ESR1: variants seen among roughly 807,000 people sequenced by gnomAD.
ESR1 encodes the protein estrogen receptor 1.
In ESR1, 12 loss-of-function variants were observed where a neutral mutation model predicts 52.7. The ratio of observed to expected loss-of-function variants is 0.23; its 90% CI spans 0.15 to 0.37. The LOEUF (loss-of-function observed/expected upper bound fraction) is 0.37. Among genes scored for constraint, ESR1 ranks in the 10% least tolerant of loss-of-function variants. The pLI is 1.00. For synonymous variants in ESR1, 305 were observed against 316.8 expected, an observed-to-expected ratio of 0.96 and a Z score of 0.39; for missense variants, 584 against 779.7, an observed-to-expected ratio of 0.75 and a Z score of 2.99.
At chr6:151,864,663 C>T (rs181684072) in intron 2 of ESR1, among the ~76,000 whole-genome samples, 2 of 152,198 alleles carry the variant, frequency 1.3e-5, no homozygotes, top group Admixed American at 6.5e-5. Flanking sequence ...GCACTATTCA[C>T]AATAGCAAAG....
intron 2 of ESR1, among the ~76,000 whole-genome samples, chr6:151,722,783 C>T (rs543645304): frequency 4.6e-5 from 7 of 152,310 alleles, no homozygotes; most frequent in African/African-American, 1.2e-4. Context: ...TTCCAGAAAA[C>T]GCCTATAAAT....
chr6:151,756,010 C>G lies in ESR1; in HGVS notation c.-70-51833C>G, dbSNP rs536954975. Among the ~76,000 whole-genome samples the G allele has an allele frequency of 2.4e-3, 359 of 152,300 alleles. 3 individuals carry two copies. Among genetic ancestry groups the G allele is most frequent in the African/African-American group, 8.5e-3 (352 of 41,566 alleles). Reference sequence around the variant, plus strand: ...ATCTGCATGGCCCCCTCCTGACCTTCTGATGTCATGTTCTTTGCTACCCCT... The same window carrying G: ...ATCTGCATGGCCCCCTCCTGACCTTGTGATGTCATGTTCTTTGCTACCCCT... On this transcript the variant is annotated intron_variant, in intron 2 of 2. Transcript: ENST00000404742.
At chr6:151,932,297 G>T (rs2033745367) in intron 3 of ESR1, among the ~76,000 whole-genome samples, 1 of 148,718 alleles carries the variant, frequency 6.7e-6, no homozygotes, top group Non-Finnish European at 1.5e-5. Flanking sequence ...TTTTGATGGG[G>T]TTGTTTGTTT....
intron 1 of ESR1, chr6:151,813,279 T>A (rs1347510403): frequency 6.6e-6 from 1 of 152,198 alleles, no homozygotes; most frequent in Admixed American, 6.5e-5. Context: ...CAATTTTATG[T>A]AGTTTAATAA....
At chr6:151,737,400 T>C (rs1346785837) in intron 2 of ESR1, among the ~76,000 whole-genome samples, 2 of 152,232 alleles carry the variant, frequency 1.3e-5, no homozygotes, top group Admixed American at 1.3e-4. Context: ...ACAAAAGTTT[T>C]TATTTTTCTG....
chr6:151,835,604 C>G (rs17081776), intron 1 of ESR1, among the ~76,000 whole-genome samples: 7,236 of 152,244 alleles, frequency 0.048, 583 homozygotes, highest in African/African-American at 0.16. Flanking sequence ...TATAAATTGT[C>G]TGGAACTAGA....
At chr6:151,971,138 T>C (rs114589074) in intron 4 of ESR1, among the ~76,000 whole-genome samples, 1,667 of 152,282 alleles carry the variant, frequency 0.011, 44 homozygotes, top group African/African-American at 0.038. Context: ...CATGTACTTG[T>C]CCTAGCTAGC....
At chr6:152,082,460 C>A (rs2049307370) in intron 6 of ESR1, among the ~76,000 whole-genome samples, 1 of 152,090 alleles carries the variant, frequency 6.6e-6, no homozygotes, top group African/African-American at 2.4e-5. Context: ...ATGGAACGTA[C>A]CTCAAAATAA....
rs187719602 is a variant in ESR1 at position 151,743,037 on chromosome 6, C to T, written c.-71+41032C>T. On this transcript the variant is annotated intron_variant, in intron 2 of 2. Coordinates refer to the ESR1 transcript ENST00000404742. ...GCAGATTTGCTAGCCAAACTCTCCT[C>T]GATCTCAGTTCCATAGATCTGGACG... Among the ~76,000 whole-genome samples the T allele has an allele frequency of 1.5e-3, 227 of 152,312 alleles. 1 individual carries two copies. The highest frequency in any genetic ancestry group is 5.3e-3 in the African/African-American group (219 of 41,564).
At chr6:151,800,464 C>T (rs768339889), upstream of ESR1, among the ~76,000 whole-genome samples, 1 of 152,160 alleles carries the variant, frequency 6.6e-6, no homozygotes, top group Non-Finnish European at 1.5e-5. Context: ...AGCCCTAACA[C>T]TCAATGTGAC....
Position 151,940,329 on chromosome 6 carries a change from G to T in ESR1, c.761-3844G>T, listed in dbSNP as rs149904912. ...ACAATTCAAGATGAGATTTGGATGG[G>T]GACACAGCCAAACCATATCAGTACA... On this transcript the variant is annotated intron_variant, in intron 3 of 7. Coordinates refer to ENST00000206249, the MANE Select transcript of ESR1 (RefSeq NM_000125.4). Among the ~76,000 whole-genome samples the T allele has an allele frequency of 5.9e-5, 9 of 152,176 alleles. No individual in the cohort carries two copies. The East Asian group carries it at 1.7e-3, about 29-fold the overall frequency.
At chr6:151,752,468 CTT>C (rs201047018) in intron 2 of ESR1, among the ~76,000 whole-genome samples, 33 of 131,564 alleles carry the variant, frequency 2.5e-4, no homozygotes, top group African/African-American at 6.6e-4. Context: ...ACTGCAACTG[CTT>C]TTTTTTTTTT....
rs187267436 is a variant in ESR1, at chr6:151,877,519, T to C, written c.644-3136T>C. Among the ~76,000 whole-genome samples the C allele has an allele frequency of 1.7e-3, 253 of 152,358 alleles. 1 individual carries two copies. The highest frequency in any genetic ancestry group is 5.9e-3 in the African/African-American group (245 of 41,586). On this transcript the variant is annotated intron_variant, in intron 2 of 7. Coordinates refer to ENST00000206249, the MANE Select transcript of ESR1 (RefSeq NM_000125.4). ...AACATGATTCTGTTGTACATCTATT[T>C]CCATTTTTGTTAAGAGACGAATTCA... is the stretch of plus-strand genomic sequence containing the variant.
intron 3 of ESR1, among the ~76,000 whole-genome samples, chr6:151,902,942 G>A (rs1252091373): frequency 6.6e-6 from 1 of 152,220 alleles, no homozygotes; most frequent in South Asian, 2.1e-4. Context: ...TACATAAAAT[G>A]CAGTACCTTG....
At chr6:152,067,535 A>C (rs975999233) in intron 6 of ESR1, among the ~76,000 whole-genome samples, 2 of 152,194 alleles carry the variant, frequency 1.3e-5, no homozygotes, top group Admixed American at 1.3e-4. Flanking sequence ...GTAAATTGGC[A>C]TTAAGTTTGA....
At chr6:151,685,987 T>A (rs771507814), upstream of ESR1, among the ~76,000 whole-genome samples, 31 of 150,398 alleles carry the variant, frequency 2.1e-4, no homozygotes, top group Non-Finnish European at 3.8e-4. Flanking sequence ...CACTGCAACC[T>A]CAAACAGTTC....
intron 3 of ESR1, among the ~76,000 whole-genome samples, chr6:151,888,131 A>G (rs1274534686): frequency 2.6e-5 from 4 of 152,016 alleles, no homozygotes; most frequent in East Asian, 1.9e-4. Flanking sequence ...CTAGCTCCAG[A>G]TTGTTTTGGC....
intron 1 of ESR1, among the ~76,000 whole-genome samples, chr6:151,657,415 T>C (rs751033284): frequency 1.3e-5 from 2 of 152,206 alleles, no homozygotes; most frequent in Non-Finnish European, 2.9e-5. Flanking sequence ...GTAACAATTG[T>C]ATTTCACAGT....
At chr6:151,861,674 T>G (rs2128287086) in intron 2 of ESR1, among the ~76,000 whole-genome samples, 1 of 152,302 alleles carries the variant, frequency 6.6e-6, no homozygotes, top group South Asian at 2.1e-4. Flanking sequence ...TTCCCCACAT[T>G]CCTGGACAGT....
Sources: allele counts gnomAD v4.1 joint callset (sites outside exome capture counted in the v4.1 genomes callset), GRCh38; gene constraint gnomAD v4.1.1; transcripts MANE v1.5; gene names NCBI Gene and HGNC (gene_info 2026-07-23, HGNC 2026-07-21).